ESS2: variants seen among roughly 807,000 people sequenced by gnomAD.
ESS2 encodes ess-2 spliceosome associated protein, also known as splicing factor ESS-2 homolog.
ESS2 carries 31 observed loss-of-function variants against 52.0 expected under a neutral mutation model. That is an observed-to-expected ratio of 0.60 (90% CI 0.45 to 0.81). The LOEUF is 0.81. ESS2 is among the 30% of genes least tolerant of loss of function. The probability of loss-of-function intolerance (pLI) is 0.00; values close to 1 mark genes in which losing one functional copy is unlikely to be tolerated. For missense variants in ESS2, 602 were observed against 637.2 expected (o/e 0.94, Z 0.59); for synonymous variants, 285 against 259.2 (o/e 1.10, Z -0.95).
chr22:19,144,225 T>G (rs900418189), intron 1 of ESS2: 1 of 1,199,516 alleles, frequency 8.3e-7, no homozygotes, highest in Non-Finnish European at 1.0e-6. Context: ...TCCTTCCAGT[T>G]TGTCAAACTC....
chr22:19,144,482 C>G, intron 1 of ESS2, 24 bp downstream of exon 1: 1 of 1,611,456 alleles, frequency 6.2e-7, no homozygotes, highest in African/African-American at 1.3e-5. Flanking sequence ...CCAGAAGTCG[C>G]CGGCGTCCGC....
chr22:19,135,428 G>A (rs1367997184), intron 8 of ESS2, among the ~76,000 whole-genome samples: 1 of 152,224 alleles, frequency 6.6e-6, no homozygotes, highest in Non-Finnish European at 1.5e-5. Flanking sequence ...GGAAAAAGCA[G>A]TCTGTTTTAG....
In ESS2 at chr22:19,144,586, G is replaced by T. The variant is rs551093700; in HGVS notation, c.55C>A (p.Pro19Thr). 1.7e-5 allele frequency: 28 copies of T among 1,600,898 alleles called. No individual in the cohort carries two copies. In the African/African-American group the frequency reaches 3.1e-4, roughly 18 times the overall value. Reference sequence around the variant, plus strand: ...TCTCCCGCCTCGCGCTTCCTCGGGGGCCTGGACGCGGCGGGAAGCAACAAG... The same window carrying T: ...TCTCCCGCCTCGCGCTTCCTCGGGGTCCTGGACGCGGCGGGAAGCAACAAG... ...SSLLLPAASR[P>T]PRKREAGEAG... The change falls in exon 1 of 10, where the codon CCC becomes ACC. Residue 19 changes from proline (P) to threonine (T), a missense_variant. Physicochemically the swap from Pro to Thr is conservative, Grantham distance 38. Transcript: ENST00000252137.
At position 19,132,585 on chromosome 22, in the gene ESS2, G is replaced by A. The variant is rs2083521742; in HGVS notation, c.*1611C>T. 8.6e-7 allele frequency: 1 copy of A among 1,157,258 alleles called. No individual in the cohort carries two copies. Among genetic ancestry groups the A allele is most frequent in the Non-Finnish European group, 1.2e-6 (1 of 808,364 alleles). The allele number at this position is 1,157,258 out of a possible 1,614,324, so 71.7% of individuals were successfully genotyped here. ...GGTAGGATCTGAAGAAGGCACAGGT[G>A]CAAGTAAAATTCGTCAATTAAACCA... On this transcript the variant is annotated 3_prime_UTR_variant, in exon 10 of 10. Transcript: ENST00000252137. The surrounding 1 kb of genome is among the most constrained non-coding windows in gnomAD (Gnocchi z 4.2).
In ESS2 at chr22:19,132,392, C is replaced by T. The variant is rs1033214507; in HGVS notation, c.*1804G>A. ...TGCTGGTGGTGCCCGAGAACGAGAA[C>T]AGGATGGAGGACAGGCTGGCCGAGA... On this transcript the variant is annotated 3_prime_UTR_variant, in exon 10 of 10. Coordinates refer to ENST00000252137, the MANE Select transcript of ESS2 (RefSeq NM_022719.3). This position sits in a 1 kb window ranked among gnomAD's most constrained non-coding sequence, Gnocchi z 4.2. The T allele has an allele frequency of 1.9e-6, 3 of 1,613,158 alleles. No homozygotes were observed. The highest frequency in any genetic ancestry group is 4.5e-5 in the East Asian group (2 of 44,854).
intron 6 of ESS2, chr22:19,138,578 C>T: frequency 1.7e-6 from 1 of 597,968 alleles, no homozygotes; most frequent in East Asian, 3.0e-5. Flanking sequence ...AGGGCCTCCA[C>T]TCGAGCTGCG....
intron 6 of ESS2, among the ~76,000 whole-genome samples, chr22:19,138,863 G>A (rs559272360): frequency 4.7e-4 from 71 of 152,268 alleles, no homozygotes; most frequent in Admixed American, 3.1e-3. Context: ...TTCCCTGCCC[G>A]GTGTGTGGGC....
chr22:19,144,190 CT>C, intron 1 of ESS2: 1 of 1,124,602 alleles, frequency 8.9e-7, no homozygotes, highest in Non-Finnish European at 1.1e-6. Flanking sequence ...TGCCACCGCT[CT>C]TTAGAAAGCC....
chr22:19,138,351 C>T, intron 6 of ESS2, 34 bp from the exon 7 acceptor site: 1 of 1,595,300 alleles, frequency 6.3e-7, no homozygotes, highest in Non-Finnish European at 8.6e-7. Flanking sequence ...ATCAGGGGGA[C>T]CGCAGCCCAC....
intron 3 of ESS2, among the ~76,000 whole-genome samples, chr22:19,140,626 A>G (rs1214761370): frequency 6.6e-6 from 1 of 152,150 alleles, no homozygotes; most frequent in East Asian, 1.9e-4. Context: ...GCCACCATGG[A>G]AAGTGGTACT....
chr22:19,137,898 G>A, intron 7 of ESS2: 3 of 985,406 alleles, frequency 3.0e-6, no homozygotes, highest in Non-Finnish European at 1.2e-6. Context: ...CCTCCCTGCA[G>A]TGCTAGGTAG....
chr22:19,134,197 TA>T lies in ESS2; in HGVS notation c.1429del (p.Ter477ArgfsTer9). On this transcript the variant is annotated frameshift_variant and stop_lost, in exon 10 of 10. Coordinates refer to ENST00000252137, the MANE Select transcript of ESS2 (RefSeq NM_022719.3). LOFTEE classifies it high-confidence loss of function. Reference sequence around the variant, plus strand: ...TATGAGCCCAGCCCAGGCCTGGCTCTAAAAGAAGTCCGAAGCTTTGCGCCGG... The same window carrying T: ...TATGAGCCCAGCCCAGGCCTGGCTCTAAAGAAGTCCGAAGCTTTGCGCCGG... ...PARRKASDFF[*>X] 6.6e-7 allele frequency: 1 copy of T among 1,508,676 alleles called. No individual in the cohort carries two copies. 93.5% of individuals were successfully genotyped at this position (1,508,676 alleles called of 1,614,324 possible).
At position 19,132,514 on chromosome 22, in the gene ESS2, G is replaced by A. The variant is rs754653100; in HGVS notation, c.*1682C>T. ...CCCGTTGTGTGTGGTGGGGGTCGGGGTTGGGGGGCATGGTGCAGTCGGCCT... is the reference window on the plus strand; with the variant it reads ...CCCGTTGTGTGTGGTGGGGGTCGGGATTGGGGGGCATGGTGCAGTCGGCCT... On this transcript the variant is annotated 3_prime_UTR_variant, in exon 10 of 10. Coordinates refer to ENST00000252137, the MANE Select transcript of ESS2 (RefSeq NM_022719.3). This position sits in a 1 kb window ranked among gnomAD's most constrained non-coding sequence, Gnocchi z 4.2. The A allele has an allele frequency of 2.6e-6, 4 of 1,559,878 alleles. No homozygotes were observed. Among genetic ancestry groups the A allele is most frequent in the African/African-American group, 1.4e-5 (1 of 73,774 alleles).
Position 19,142,718 on chromosome 22 carries a change from C to T in ESS2, c.304+8G>A, listed in dbSNP as rs376273873. The stretch of plus-strand genomic sequence containing the variant: ...TTCCCCTCTCCGCCACCCACAGGGT[C>T]CTCATACAGGGTGGCGGGGGCTCCC... On this transcript the variant is annotated splice_region_variant and intron_variant, in intron 2 of 9. Transcript: ENST00000252137. The T allele has an allele frequency of 8.7e-5, 141 of 1,613,252 alleles. No homozygotes were observed. In the African/African-American group the frequency reaches 1.5e-3, roughly 17 times the overall value.
chr22:19,132,227 G>A lies in ESS2; in HGVS notation c.*1969C>T, dbSNP rs551983510. ...GCCACTCGTGGCTGCAGCCCCCCAA[G>A]CCCAAAGCCACGTCTTCTGCCTCCT... On this transcript the variant is annotated 3_prime_UTR_variant, in exon 10 of 10. Coordinates refer to ENST00000252137, the MANE Select transcript of ESS2 (RefSeq NM_022719.3). This position sits in a 1 kb window ranked among gnomAD's most constrained non-coding sequence, Gnocchi z 4.2. 2 of 1,612,390 alleles carry A rather than the reference G, an allele frequency of 1.2e-6. No homozygotes were observed. The highest frequency in any genetic ancestry group is 1.3e-5 in the African/African-American group (1 of 74,996).
intron 3 of ESS2, 64 bp downstream of exon 3, chr22:19,142,473 GC>G: frequency 6.9e-7 from 1 of 1,448,220 alleles, no homozygotes; most frequent in Non-Finnish European, 9.4e-7. Context: ...CCCCCTCAGG[GC>G]CTCACAGGCT....
In ESS2 at chr22:19,133,320, G is replaced by A. The variant is rs1199310105; in HGVS notation, c.*876C>T. 6.6e-6 allele frequency: 1 copy of A among 152,518 alleles called. No homozygotes were observed. Among genetic ancestry groups the A allele is most frequent in the Non-Finnish European group, 1.5e-5 (1 of 68,262 alleles). 9.4% of individuals were successfully genotyped at this position (152,518 alleles called of 1,614,324 possible). A position where few individuals can be genotyped will look rare whatever the true frequency, so the allele number is the denominator to read the frequency against. Reference sequence around the variant, plus strand: ...CCCCACTTCCTGGGGGCTCCCTTGGGATAACGTGCACCCTTTCCTAGGGGA... The same window carrying A: ...CCCCACTTCCTGGGGGCTCCCTTGGAATAACGTGCACCCTTTCCTAGGGGA... On this transcript the variant is annotated 3_prime_UTR_variant, in exon 10 of 10. Transcript: ENST00000252137.
intron 3 of ESS2, among the ~76,000 whole-genome samples, chr22:19,142,001 A>C (rs1046202255): frequency 6.6e-6 from 1 of 152,176 alleles, no homozygotes; most frequent in African/African-American, 2.4e-5. Flanking sequence ...AAAAATTAAA[A>C]ATAAAATGAA....
rs116433081 is a variant in ESS2 at position 19,141,522 on chromosome 22, A to G, written c.400+1016T>C. Among the ~76,000 whole-genome samples the G allele has an allele frequency of 7.7e-3, 1,171 of 152,336 alleles. 18 individuals are homozygous for G. The highest frequency in any genetic ancestry group is 0.026 in the African/African-American group (1,092 of 41,560). ...TATAGAGCTGTGTGTCCCAGCAAAC[A>G]TGCTGAAGATGACAACTCTTTCATC... On this transcript the variant is annotated intron_variant, in intron 3 of 9. Transcript: ENST00000252137.
Sources: allele counts gnomAD v4.1 joint callset (sites outside exome capture counted in the v4.1 genomes callset), GRCh38; gene constraint gnomAD v4.1.1; non-coding constraint Gnocchi (gnomAD v3.1); transcripts MANE v1.5; gene names NCBI Gene and HGNC (gene_info 2026-07-23, HGNC 2026-07-21).